GPR137B: variants seen among roughly 807,000 people sequenced by gnomAD.
GPR137B encodes the protein G protein-coupled receptor 137B.
Under a neutral mutation model 42.5 loss-of-function variants are expected in GPR137B, and 42 were observed. That is an observed-to-expected ratio of 0.99 (90% CI 0.77 to 1.28). The LOEUF (loss-of-function observed/expected upper bound fraction) is 1.28, where lower values mean the gene tolerates loss of function less well. GPR137B is among the 50% of genes most tolerant of loss of function. The pLI is 0.00. For synonymous variants in GPR137B, 218 were observed against 209.7 expected (o/e 1.04, Z -0.34); for missense variants, 487 against 493.9 (o/e 0.99, Z 0.13).
chr1:236,175,372 C>T (rs1042140977), intron 2 of GPR137B, among the ~76,000 whole-genome samples: 2 of 152,082 alleles, frequency 1.3e-5, no homozygotes, highest in African/African-American at 4.8e-5. Flanking sequence ...TAAGTGGCCC[C>T]GCACAGTTCA....
intron 5 of GPR137B, among the ~76,000 whole-genome samples, chr1:236,199,933 G>GGT (rs1258173352): frequency 1.3e-5 from 2 of 151,800 alleles, no homozygotes; most frequent in Non-Finnish European, 2.9e-5. Flanking sequence ...AATTCCTTGA[G>GGT]GTAGGACCTT....
intron 1 of GPR137B, among the ~76,000 whole-genome samples, chr1:236,151,484 C>T (rs919026593): frequency 2.9e-5 from 4 of 140,042 alleles, no homozygotes; most frequent in South Asian, 2.3e-4. Flanking sequence ...AGTGCAGTGG[C>T]GCAATCTCGG....
intron 1 of GPR137B, among the ~76,000 whole-genome samples, chr1:236,154,293 C>T (rs1415363725): frequency 1.3e-5 from 2 of 151,906 alleles, no homozygotes; most frequent in Admixed American, 1.3e-4. Flanking sequence ...GTAACTCCCA[C>T]CCTGCGCCCT....
At chr1:236,176,748 T>TC (rs751799040) in intron 2 of GPR137B, among the ~76,000 whole-genome samples, 70 of 152,256 alleles carry the variant, frequency 4.6e-4, no homozygotes, top group Admixed American at 1.1e-3. Flanking sequence ...ACTCCTTCCT[T>TC]CTTCCCTCCC....
At chr1:236,206,239 C>T (rs1663658092) in intron 6 of GPR137B, among the ~76,000 whole-genome samples, 1 of 152,150 alleles carries the variant, frequency 6.6e-6, no homozygotes, top group Non-Finnish European at 1.5e-5. Context: ...CTATTATTAG[C>T]CTCATAATAC....
chr1:236,144,327 CG>C (rs773142978), intron 1 of GPR137B, among the ~76,000 whole-genome samples: 5 of 151,964 alleles, frequency 3.3e-5, no homozygotes, highest in Middle Eastern at 3.4e-3. Context: ...AGGTGGGAGG[CG>C]GAGCCCGGGA....
rs1024637362 is a variant in GPR137B at position 236,207,184 on chromosome 1, G to A, written c.1092-866G>A. On this transcript the variant is annotated intron_variant, in intron 6 of 6. Transcript: ENST00000366592. ...GAGAATACATGCTTTCTCAGTGATC[G>A]GGGAGCAGAGAAATCCTGGTCAGAT... is the stretch of plus-strand genomic sequence containing the variant. 13 of 984,800 alleles carry A rather than the reference G, an allele frequency of 1.3e-5. No individual in the cohort carries two copies. The South Asian group carries it at 1.4e-4, about 11-fold the overall frequency. 61.0% of individuals were successfully genotyped at this position (984,800 alleles called of 1,614,324 possible). A position where few individuals can be genotyped will look rare whatever the true frequency, so the allele number is the denominator to read the frequency against.
chr1:236,143,754 C>T (rs189278695), intron 1 of GPR137B, among the ~76,000 whole-genome samples: 1 of 152,274 alleles, frequency 6.6e-6, no homozygotes, highest in African/African-American at 2.4e-5. Context: ...CTTTATGGGG[C>T]ATATTATTAA....
At chr1:236,173,573 C>A (rs1338708561) in intron 2 of GPR137B, among the ~76,000 whole-genome samples, 2 of 152,156 alleles carry the variant, frequency 1.3e-5, no homozygotes, top group Admixed American at 6.5e-5. Flanking sequence ...TCGCCTCATC[C>A]CTGCATTTGC....
chr1:236,143,069 C>T (rs941076773), intron 1 of GPR137B, 33 bp downstream of exon 1: 3 of 1,565,934 alleles, frequency 1.9e-6, no homozygotes, highest in South Asian at 1.2e-5. Flanking sequence ...GAGGCGCTCA[C>T]CTGGCGGGGT....
chr1:236,195,044 A>G (rs1663295148), intron 5 of GPR137B, among the ~76,000 whole-genome samples: 1 of 152,202 alleles, frequency 6.6e-6, no homozygotes. Context: ...TGATACAGGC[A>G]TGATGATTAT....
chr1:236,179,228 T>C (rs946933321), intron 3 of GPR137B, among the ~76,000 whole-genome samples: 1 of 152,056 alleles, frequency 6.6e-6, no homozygotes, highest in South Asian at 2.1e-4. Flanking sequence ...GAAAATAATA[T>C]CTTAGGTTTA....
chr1:236,160,581 C>T (rs772848536), intron 1 of GPR137B, among the ~76,000 whole-genome samples: 1 of 152,204 alleles, frequency 6.6e-6, no homozygotes, highest in African/African-American at 2.4e-5. Context: ...ATCTTAAAAA[C>T]AAGGTCTGGA....
Position 236,142,742 on chromosome 1 carries a change from C to T in GPR137B, c.120C>T (p.Tyr40=). The T allele has an allele frequency of 6.2e-7, 1 of 1,607,652 alleles. No individual in the cohort carries two copies. ...PPTLTPAVPP[Y]VKLGLTVVYT... ...CGCTGACCCCGGCCGTGCCCCCCTA[C>T]GTGAAGCTTGGCCTCACCGTCGTCT... The change falls in exon 1 of 7, where the codon TAC becomes TAT. Residue 40 remains tyrosine (Y), a synonymous_variant. Coordinates refer to ENST00000366592, the MANE Select transcript of GPR137B (RefSeq NM_003272.4).
intron 5 of GPR137B, among the ~76,000 whole-genome samples, chr1:236,203,052 T>G (rs1254211): frequency 0.55 from 84,009 of 151,902 alleles, 25,634 homozygotes; most frequent in East Asian, 0.86. Flanking sequence ...TTCTGTTCTA[T>G]TGGTCTATGT....
chr1:236,147,314 G>A (rs887654735), intron 1 of GPR137B, among the ~76,000 whole-genome samples: 5 of 152,306 alleles, frequency 3.3e-5, no homozygotes, highest in African/African-American at 1.2e-4. Flanking sequence ...CTCTGGCGCC[G>A]CCTCTGTGGG....
intron 4 of GPR137B, 122 bp downstream of exon 4, chr1:236,180,150 G>A (rs1221674593): frequency 2.7e-6 from 2 of 747,426 alleles, no homozygotes; most frequent in Non-Finnish European, 4.8e-6. Context: ...ATAAAATGGT[G>A]TAGTATCTGC....
intron 5 of GPR137B, among the ~76,000 whole-genome samples, chr1:236,185,106 C>T (rs1662987087): frequency 1.3e-5 from 2 of 152,172 alleles, no homozygotes; most frequent in Admixed American, 1.3e-4. Flanking sequence ...CTGTAGCTTT[C>T]TCTGGCATCA....
chr1:236,148,111 C>T (rs554046089), intron 1 of GPR137B, among the ~76,000 whole-genome samples: 2 of 152,206 alleles, frequency 1.3e-5, no homozygotes, highest in Admixed American at 6.5e-5. Flanking sequence ...CTGTTCTAAG[C>T]GCTGTGTCAA....
Sources: gnomAD v4.1 joint callset for allele counts (sites outside exome capture counted in the v4.1 genomes callset) on GRCh38, gnomAD v4.1.1 for gene constraint, MANE v1.5 for transcripts, NCBI Gene and HGNC (gene_info 2026-07-23, HGNC 2026-07-21) for gene names.